BLTP1: variants seen among roughly 807,000 people sequenced by gnomAD.
BLTP1 encodes fragile site-associated protein.
At chr4:122,286,802 AT>A in the BLTP1 span, 2 of 1,599,000 alleles carry the variant, frequency 1.3e-6, no homozygotes, top group Middle Eastern at 1.7e-4. Context: ...TTACTTTAAA[AT>A]TTTCTTACTC....
the BLTP1 span, among the ~76,000 whole-genome samples, chr4:122,204,180 C>G: frequency 2.0e-5 from 3 of 151,704 alleles, no homozygotes; most frequent in East Asian, 3.9e-4. Context: ...GAAACAATAC[C>G]AGACATTATG....
At chr4:122,255,179 A>G in the BLTP1 span, 1 of 1,610,072 alleles carries the variant, frequency 6.2e-7, no homozygotes, top group Non-Finnish European at 8.5e-7. Context: ...CAGGCTTACA[A>G]AAGTTGCTCG....
At chr4:122,237,625 T>A in the BLTP1 span, 1 of 762,062 alleles carries the variant, frequency 1.3e-6, no homozygotes. Flanking sequence ...AAGAAAAAAA[T>A]TCACTGTTTA....
chr4:122,237,994 A>AG, the BLTP1 span: 1 of 1,344,670 alleles, frequency 7.4e-7, no homozygotes, highest in Non-Finnish European at 9.9e-7. Context: ...AAAAAAAAAA[A>AG]AAAAAAATTA....
chr4:122,170,305 CAAAAAAAAAA>C, the BLTP1 span: 66,883 of 734,856 alleles, frequency 0.091, 1,053 homozygotes, highest in Admixed American at 0.096. Flanking sequence ...AACTCCTTCT[CAAAAAAAAAA>C]AAAAAAAAAA....
chr4:122,295,920 T>C, the BLTP1 span, among the ~76,000 whole-genome samples: 1 of 152,178 alleles, frequency 6.6e-6, no homozygotes, highest in Non-Finnish European at 1.5e-5. Flanking sequence ...AACTAGGTAT[T>C]GAAGATACAT....
chr4:122,153,394 T>C, the BLTP1 span, among the ~76,000 whole-genome samples: 3 of 152,216 alleles, frequency 2.0e-5, no homozygotes, highest in African/African-American at 4.8e-5. Flanking sequence ...CAGAATACTT[T>C]GTAACTATTG....
At chr4:122,249,376 CTAAGA>C in the BLTP1 span, 1 of 1,490,950 alleles carries the variant, frequency 6.7e-7, no homozygotes, top group African/African-American at 1.4e-5. Context: ...TGACAGAGCA[CTAAGA>C]TATCTTTTAA....
the BLTP1 span, among the ~76,000 whole-genome samples, chr4:122,193,299 A>G: frequency 6.6e-6 from 1 of 152,122 alleles, no homozygotes; most frequent in African/African-American, 2.4e-5. Context: ...TATATAATTT[A>G]TATTAAAGAT....
the BLTP1 span, among the ~76,000 whole-genome samples, chr4:122,359,079 A>G: frequency 6.7e-6 from 1 of 149,682 alleles, no homozygotes; most frequent in Non-Finnish European, 1.5e-5. Flanking sequence ...AAAGCTGTTA[A>G]AAAAAAAAAC....
At chr4:122,167,931 T>A in the BLTP1 span, 17 of 975,232 alleles carry the variant, frequency 1.7e-5, no homozygotes, top group South Asian at 7.6e-4. Flanking sequence ...TAGATTACCA[T>A]AAGTCTCCAG....
the BLTP1 span, chr4:122,249,734 A>G: frequency 6.9e-6 from 11 of 1,596,524 alleles, no homozygotes; most frequent in Non-Finnish European, 9.4e-6. Context: ...TATGTCCTAT[A>G]TTGCAGAAAT....
At chr4:122,330,224 A>G in the BLTP1 span, among the ~76,000 whole-genome samples, 9 of 151,752 alleles carry the variant, frequency 5.9e-5, no homozygotes, top group East Asian at 3.9e-4. Context: ...CCCGATTTCA[A>G]TTCTTTTGGA....
At chr4:122,201,243 A>G in the BLTP1 span, 2 of 780,558 alleles carry the variant, frequency 2.6e-6, no homozygotes, top group Non-Finnish European at 3.8e-6. Flanking sequence ...TTTCTTCAAC[A>G]TTTCATTTTG....
At chr4:122,273,818 T>C in the BLTP1 span, among the ~76,000 whole-genome samples, 1 of 152,044 alleles carries the variant, frequency 6.6e-6, no homozygotes, top group Non-Finnish European at 1.5e-5. Context: ...GTTTACAATT[T>C]ACCCATTAAA....
the BLTP1 span, chr4:122,291,050 C>A: frequency 4.1e-6 from 1 of 246,600 alleles, no homozygotes; most frequent in Non-Finnish European, 6.5e-6. Context: ...CTTTTCTTAA[C>A]CTTTAGATTG....
At chr4:122,224,581 A>G in the BLTP1 span, 2 of 1,614,138 alleles carry the variant, frequency 1.2e-6, no homozygotes, top group Non-Finnish European at 1.7e-6. Flanking sequence ...CTATGTTCTC[A>G]GCAGAAGGTC....
At chr4:122,356,323 A>G in the BLTP1 span, among the ~76,000 whole-genome samples, 1 of 152,184 alleles carries the variant, frequency 6.6e-6, no homozygotes, top group African/African-American at 2.4e-5. Context: ...GACACAGGAA[A>G]TGCTCATTGG....
the BLTP1 span, among the ~76,000 whole-genome samples, chr4:122,260,460 A>G: frequency 8.5e-5 from 13 of 152,232 alleles, no homozygotes; most frequent in Non-Finnish European, 1.9e-4. Context: ...GGTAGTTCAC[A>G]GAAAAATACA....
Sources: gnomAD v4.1 joint callset for allele counts (sites outside exome capture counted in the v4.1 genomes callset) on GRCh38, gnomAD v4.1.1 for gene constraint, MANE v1.5 for transcripts, NCBI Gene and HGNC (gene_info 2026-07-23, HGNC 2026-07-21) for gene names.